The following ZFHX3 variants were observed in gnomAD, a reference collection of about 807,000 sequenced individuals.
The protein encoded by ZFHX3 is zinc finger homeobox protein 3.
ZFHX3 carries 42 observed loss-of-function variants against 279.1 expected under a neutral mutation model. The ratio of observed to expected loss-of-function variants is 0.15; its 90% CI spans 0.12 to 0.19. The LOEUF (loss-of-function observed/expected upper bound fraction) is 0.19. Ranked by LOEUF, ZFHX3 falls within the 10% of genes least tolerant of loss-of-function variation. ZFHX3 has a pLI of 1.00. For missense variants in ZFHX3, 4,981 were observed against 4,754.0 expected, an observed-to-expected ratio of 1.05 and a Z score of -1.40; for synonymous variants, 2,293 against 1,957.8, an observed-to-expected ratio of 1.17 and a Z score of -4.52.
intron 5 of ZFHX3, among the ~76,000 whole-genome samples, chr16:73,144,981 A>T (rs1431556408): frequency 6.6e-6 from 1 of 152,152 alleles, no homozygotes; most frequent in African/African-American, 2.4e-5. Context: ...ATTTCAGTCC[A>T]TTATTTTGTA....
chr16:72,994,767 C>G (rs1450972287), intron 1 of ZFHX3, among the ~76,000 whole-genome samples: 2 of 152,352 alleles, frequency 1.3e-5, no homozygotes, highest in South Asian at 4.1e-4. Context: ...CACCAAGGTT[C>G]CTCCTGACGG....
intron 1 of ZFHX3, among the ~76,000 whole-genome samples, chr16:73,832,245 T>C: frequency 6.6e-6 from 1 of 152,084 alleles, no homozygotes; most frequent in Non-Finnish European, 1.5e-5. Context: ...CCATTGGTTT[T>C]TGACCCAGGT....
intron 2 of ZFHX3, among the ~76,000 whole-genome samples, chr16:73,502,916 A>T (rs768954517): frequency 6.6e-6 from 1 of 152,236 alleles, no homozygotes; most frequent in Non-Finnish European, 1.5e-5. Flanking sequence ...GTAGCCTAAA[A>T]GTGCCTCCCT....
At chr16:73,434,111 C>T (rs922457004) in intron 3 of ZFHX3, among the ~76,000 whole-genome samples, 2 of 152,210 alleles carry the variant, frequency 1.3e-5, no homozygotes, top group African/African-American at 2.4e-5. Flanking sequence ...ACCGCCCAAA[C>T]ACACACTGTA....
chr16:72,879,170 G>C (rs2038396384), intron 4 of ZFHX3, among the ~76,000 whole-genome samples: 1 of 152,222 alleles, frequency 6.6e-6, no homozygotes, highest in Non-Finnish European at 1.5e-5. Context: ...ATTATGTCCA[G>C]CCTGGAGTAT....
At chr16:73,092,637 G>A (rs558624054) in intron 8 of ZFHX3, 30 of 256,194 alleles carry the variant, frequency 1.2e-4, no homozygotes, top group Non-Finnish European at 1.7e-4. Flanking sequence ...CAAGCCGAGC[G>A]CGAACGCCGT....
At position 73,806,430 on chromosome 16, in the gene ZFHX3, GCT is replaced by G. The variant is rs569110477; in HGVS notation, c.-1608+85219_-1608+85220del. Among the ~76,000 whole-genome samples, 39 of 152,330 alleles carry G rather than the reference GCT, an allele frequency of 2.6e-4. No individual in the cohort carries two copies. In the South Asian group the frequency reaches 7.7e-3, roughly 30 times the overall value. On this transcript the variant is annotated intron_variant, in intron 1 of 17. Transcript: ENST00000641206. The stretch of plus-strand genomic sequence containing the variant: ...ATGGAGCCGGAGTGAGATGTGCAAG[GCT>G]CTGAGGTCACGGCTTTAGCTCCGCT...
intron 5 of ZFHX3, among the ~76,000 whole-genome samples, chr16:73,181,498 TTA>T (rs1460643722): frequency 6.6e-6 from 1 of 152,128 alleles, no homozygotes; most frequent in South Asian, 2.1e-4. Flanking sequence ...CAGTATAGGT[TTA>T]TGTCTCATGA....
chr16:73,684,727 G>GTCTTGC (rs2053061630), intron 1 of ZFHX3, among the ~76,000 whole-genome samples: 1 of 141,592 alleles, frequency 7.1e-6, no homozygotes, highest in African/African-American at 2.7e-5. Context: ...TGGAGATGGA[G>GTCTTGC]TCTTGCTCTG....
At chr16:73,229,358 C>A (rs905296857) in intron 5 of ZFHX3, among the ~76,000 whole-genome samples, 4 of 152,118 alleles carry the variant, frequency 2.6e-5, no homozygotes, top group African/African-American at 9.7e-5. Flanking sequence ...AAGATTTGGT[C>A]CAGACTTGAA....
chr16:73,551,068 C>G (rs1445794115), intron 2 of ZFHX3, among the ~76,000 whole-genome samples: 1 of 152,168 alleles, frequency 6.6e-6, no homozygotes, highest in East Asian at 1.9e-4. Context: ...ATACCTAAAT[C>G]TTCTGTTACA....
chr16:73,841,871 G>C (rs1208148711), intron 1 of ZFHX3, among the ~76,000 whole-genome samples: 1 of 152,136 alleles, frequency 6.6e-6, no homozygotes, highest in Non-Finnish European at 1.5e-5. Flanking sequence ...TGAGCGCATA[G>C]TCTGTACATG....
intron 1 of ZFHX3, among the ~76,000 whole-genome samples, chr16:73,730,042 T>A (rs1346083720): frequency 6.6e-6 from 1 of 152,158 alleles, no homozygotes; most frequent in Non-Finnish European, 1.5e-5. Context: ...ACAAACATGG[T>A]CATTTCTGCA....
chr16:73,036,403 C>A (rs577594704), intron 1 of ZFHX3, among the ~76,000 whole-genome samples: 1 of 152,082 alleles, frequency 6.6e-6, no homozygotes, highest in South Asian at 2.1e-4. Context: ...CACAGGAATG[C>A]GCTCTGCCGC....
At chr16:73,048,602 C>A (rs1965387669), upstream of ZFHX3, among the ~76,000 whole-genome samples, 1 of 152,228 alleles carries the variant, frequency 6.6e-6, no homozygotes. Flanking sequence ...GGGACGCGCC[C>A]TCGGCCACTA....
In ZFHX3 at chr16:73,800,316, C is replaced by T. The variant is rs530645694; in HGVS notation, c.-1608+91335G>A. ...CATTGAAACTTCCACCTCCCAGGTT[C>T]AAGCAATTCTCCCGTCTCAGCCTTT... On this transcript the variant is annotated intron_variant, in intron 1 of 17. Transcript: ENST00000641206. 2.6e-5 allele frequency among the ~76,000 whole-genome samples: 4 copies of T among 152,052 alleles called. No individual in the cohort carries two copies. In the South Asian group the frequency reaches 8.3e-4, roughly 32 times the overall value.
chr16:73,886,950 T>A (rs748164292), intron 1 of ZFHX3, among the ~76,000 whole-genome samples: 16 of 152,160 alleles, frequency 1.1e-4, no homozygotes, highest in Non-Finnish European at 1.8e-4. Flanking sequence ...CATCCTTAAG[T>A]AATAAGCCCT....
chr16:73,125,627 A>G (rs1837772962), intron 7 of ZFHX3, among the ~76,000 whole-genome samples: 2 of 152,082 alleles, frequency 1.3e-5, no homozygotes, highest in African/African-American at 4.8e-5. Flanking sequence ...CCCAGCGTAC[A>G]TCTTTCTCCT....
chr16:72,786,858 A>G lies in ZFHX3; in HGVS notation c.*306T>C, dbSNP rs192335752. The G allele has an allele frequency of 2.7e-3, 468 of 172,932 alleles. 3 individuals are homozygous for G. The highest frequency in any genetic ancestry group is 8.1e-3 in the South Asian group (41 of 5,054). 10.7% of individuals were successfully genotyped at this position (172,932 alleles called of 1,614,324 possible). ...TACAAGGGGTTTAAGCTCCAAAGAC[A>G]TTAGGGAGGCCCTGCGGACTTCTGT... On this transcript the variant is annotated 3_prime_UTR_variant, in exon 10 of 10. Coordinates refer to ENST00000268489, the MANE Select transcript of ZFHX3 (RefSeq NM_006885.4).
Sources: gnomAD v4.1 joint callset for allele counts (sites outside exome capture counted in the v4.1 genomes callset) on GRCh38, gnomAD v4.1.1 for gene constraint, MANE v1.5 for transcripts, NCBI Gene and HGNC (gene_info 2026-07-23, HGNC 2026-07-21) for gene names.